The following LRP1B variants were observed in gnomAD, a reference collection of about 807,000 sequenced individuals.
The protein encoded by LRP1B is low-density lipoprotein receptor-related protein 1B.
LRP1B carries 217 observed loss-of-function variants against 556.6 expected under a neutral mutation model. The observed-to-expected ratio is 0.39, with a 90% confidence interval of 0.35 to 0.44. The LOEUF (loss-of-function observed/expected upper bound fraction) is 0.44. Among genes scored for constraint, LRP1B ranks in the 20% least tolerant of loss-of-function variants. The pLI, the probability that LRP1B is intolerant of heterozygous loss-of-function variation, is 1.00. For missense variants in LRP1B, 5,053 were observed against 5,620.8 expected (o/e 0.90, Z 3.23); for synonymous variants, 2,047 against 1,865.8 (o/e 1.10, Z -2.50).
intron 82 of LRP1B, among the ~76,000 whole-genome samples, chr2:140,320,673 T>C (rs1680065028): frequency 6.6e-6 from 1 of 152,008 alleles, no homozygotes; most frequent in Admixed American, 6.6e-5. Flanking sequence ...AGCTGTCCTC[T>C]GGTCTCTGCC....
At chr2:141,222,872 A>G (rs1450216679) in intron 6 of LRP1B, among the ~76,000 whole-genome samples, 1 of 152,220 alleles carries the variant, frequency 6.6e-6, no homozygotes, top group Admixed American at 6.5e-5. Context: ...TAAACTAGGA[A>G]TTGAAGGAAC....
At chr2:141,756,549 ACACACACACAC>A in intron 2 of LRP1B, among the ~76,000 whole-genome samples, 1 of 32,258 alleles carries the variant, frequency 3.1e-5, no homozygotes, top group African/African-American at 5.2e-5. Flanking sequence ...CAAATTACAC[ACACACACACAC>A]ACACACACAC....
chr2:141,336,606 C>T (rs1306560721), intron 3 of LRP1B, among the ~76,000 whole-genome samples: 1 of 151,842 alleles, frequency 6.6e-6, no homozygotes, highest in Non-Finnish European at 1.5e-5. Flanking sequence ...CTATGTAGTT[C>T]TATTAATTTT....
intron 3 of LRP1B, among the ~76,000 whole-genome samples, chr2:141,395,685 A>C (rs1308158505): frequency 6.6e-6 from 1 of 152,132 alleles, no homozygotes; most frequent in East Asian, 1.9e-4. Flanking sequence ...AAATTTTCTA[A>C]GCAGAAAAGG....
chr2:141,458,032 ACT>A (rs916713851), intron 3 of LRP1B, among the ~76,000 whole-genome samples: 1 of 152,192 alleles, frequency 6.6e-6, no homozygotes, highest in Admixed American at 6.5e-5. Context: ...AAATAAAAGT[ACT>A]GTTTGTAAGT....
chr2:141,442,651 C>A (rs1681026870), intron 3 of LRP1B, among the ~76,000 whole-genome samples: 1 of 151,998 alleles, frequency 6.6e-6, no homozygotes. Context: ...CATTGTTCAA[C>A]TCCTACTTAT....
chr2:140,828,930 T>C (rs965068562), intron 31 of LRP1B, among the ~76,000 whole-genome samples: 2 of 151,516 alleles, frequency 1.3e-5, no homozygotes, highest in Non-Finnish European at 2.9e-5. Context: ...AGTAAAGAGA[T>C]GGAAGAAGAT....
intron 85 of LRP1B, among the ~76,000 whole-genome samples, chr2:140,272,563 G>T (rs964591422): frequency 6.6e-6 from 1 of 151,858 alleles, no homozygotes; most frequent in African/African-American, 2.4e-5. Context: ...CTGCCTATTT[G>T]TAATAACAAA....
chr2:141,986,079 A>G (rs1053949043), intron 1 of LRP1B, among the ~76,000 whole-genome samples: 1 of 151,922 alleles, frequency 6.6e-6, no homozygotes, highest in Non-Finnish European at 1.5e-5. Flanking sequence ...GGAAAAGTAA[A>G]TGTTCATATC....
At chr2:140,935,904 G>GTA (rs1018391006) in intron 20 of LRP1B, among the ~76,000 whole-genome samples, 1 of 150,972 alleles carries the variant, frequency 6.6e-6, no homozygotes, top group South Asian at 2.1e-4. Context: ...ACATATATAT[G>GTA]TATATATATG....
intron 2 of LRP1B, among the ~76,000 whole-genome samples, chr2:141,505,933 T>C (rs1011763090): frequency 6.6e-6 from 1 of 152,066 alleles, no homozygotes; most frequent in African/African-American, 2.4e-5. Flanking sequence ...CACCAACCAC[T>C]GTCATTAGTT....
intron 1 of LRP1B, among the ~76,000 whole-genome samples, chr2:142,038,098 A>C (rs1402022103): frequency 6.6e-6 from 1 of 151,578 alleles, no homozygotes; most frequent in Non-Finnish European, 1.5e-5. Flanking sequence ...CAATTATTTA[A>C]AGCAACACTT....
intron 2 of LRP1B, among the ~76,000 whole-genome samples, chr2:141,602,451 A>G (rs897684851): frequency 6.6e-6 from 1 of 152,190 alleles, no homozygotes; most frequent in African/African-American, 2.4e-5. Flanking sequence ...GATATTTAGA[A>G]AGTAATTTAA....
intron 41 of LRP1B, among the ~76,000 whole-genome samples, chr2:140,671,337 G>T (rs892858965): frequency 6.6e-6 from 1 of 152,134 alleles, no homozygotes; most frequent in African/African-American, 2.4e-5. Flanking sequence ...TGGCTAACAC[G>T]GTGAAACCCC....
At chr2:141,565,113 T>C (rs574137674) in intron 2 of LRP1B, among the ~76,000 whole-genome samples, 2 of 152,120 alleles carry the variant, frequency 1.3e-5, no homozygotes, top group Admixed American at 6.6e-5. Context: ...CCTAAATAAT[T>C]GTTATTTACA....
chr2:140,440,939 C>T (rs1686399941), intron 66 of LRP1B, among the ~76,000 whole-genome samples: 1 of 152,048 alleles, frequency 6.6e-6, no homozygotes, highest in Non-Finnish European at 1.5e-5. Context: ...TGTTATTTGA[C>T]ACATCCCAGT....
rs1452380369 is a variant in LRP1B at position 140,403,366 on chromosome 2, CAT to C, written c.10415-17359_10415-17358del. On this transcript the variant is annotated intron_variant, in intron 66 of 90. Coordinates refer to ENST00000389484, the MANE Select transcript of LRP1B (RefSeq NM_018557.3). Reference sequence around the variant, plus strand: ...AATGCCAGAGAAAGGTGAAAAATTACATGTTTTTTTAAATAGGATATGAATAA... The same window carrying C: ...AATGCCAGAGAAAGGTGAAAAATTACGTTTTTTTAAATAGGATATGAATAA... Among the ~76,000 whole-genome samples, 9 of 152,048 alleles carry C rather than the reference CAT, an allele frequency of 5.9e-5. No homozygotes were observed. In the East Asian group the frequency reaches 7.7e-4, roughly 13 times the overall value.
At chr2:141,078,667 TCTC>T (rs1454316833) in intron 7 of LRP1B, among the ~76,000 whole-genome samples, 9 of 152,152 alleles carry the variant, frequency 5.9e-5, no homozygotes, top group African/African-American at 1.9e-4. Context: ...AAAGAAGTGT[TCTC>T]CTTCTCCTTG....
At chr2:140,335,539 G>A in intron 78 of LRP1B, 76 bp downstream of exon 78, 1 of 892,090 alleles carries the variant, frequency 1.1e-6, no homozygotes, top group Admixed American at 1.8e-5. Flanking sequence ...TCATTACAGA[G>A]ACAAAATCTA....
Sources: gnomAD v4.1 joint callset for allele counts (sites outside exome capture counted in the v4.1 genomes callset) on GRCh38, gnomAD v4.1.1 for gene constraint, MANE v1.5 for transcripts, NCBI Gene and HGNC (gene_info 2026-07-23, HGNC 2026-07-21) for gene names.